The following KIAA0513 variants were observed in gnomAD, a reference collection of about 807,000 sequenced individuals.
The protein encoded by KIAA0513 is KIAA0513.
In KIAA0513, 39 loss-of-function variants were observed where a neutral mutation model predicts 56.5. The observed-to-expected ratio is 0.69, with a 90% confidence interval of 0.53 to 0.90. The LOEUF is 0.90. Ranked by LOEUF, KIAA0513 falls within the 40% of genes least tolerant of loss-of-function variation. The pLI is 0.00. For synonymous variants in KIAA0513, 268 were observed against 215.6 expected, an observed-to-expected ratio of 1.24 and a Z score of -2.13; for missense variants, 591 against 535.2, an observed-to-expected ratio of 1.10 and a Z score of -1.03.
At chr16:85,068,824 A>G (rs62049891) in intron 2 of KIAA0513, among the ~76,000 whole-genome samples, 26,571 of 152,080 alleles carry the variant, frequency 0.17, 4,800 homozygotes, top group African/African-American at 0.45. Flanking sequence ...TCCCTCCGCC[A>G]ACGCTTGTCT....
At chr16:85,028,907 C>T (rs746932700) in intron 1 of KIAA0513, among the ~76,000 whole-genome samples, 5 of 152,192 alleles carry the variant, frequency 3.3e-5, no homozygotes, top group Non-Finnish European at 7.3e-5. Flanking sequence ...CAGCCTGCGA[C>T]TCGATGTTGA....
chr16:85,081,089 C>A lies in KIAA0513; in HGVS notation c.903-226C>A, dbSNP rs959147320. ...TTATCATAGCTTTCCCTCCCACTTGCGCCATCTCTCCTAAGAGATACGCAG... is the reference window on the plus strand; with the variant it reads ...TTATCATAGCTTTCCCTCCCACTTGAGCCATCTCTCCTAAGAGATACGCAG... On this transcript the variant is annotated intron_variant, in intron 8 of 12. Transcript: ENST00000683363. This position sits in a 1 kb window ranked among gnomAD's most constrained non-coding sequence, Gnocchi z 4.4. Among the ~76,000 whole-genome samples the A allele has an allele frequency of 6.6e-6, 1 of 152,204 alleles. No homozygotes were observed. The highest frequency in any genetic ancestry group is 2.4e-5 in the African/African-American group (1 of 41,450).
chr16:85,067,972 G>C (rs1026920256), intron 2 of KIAA0513, among the ~76,000 whole-genome samples: 1 of 151,822 alleles, frequency 6.6e-6, no homozygotes, highest in Non-Finnish European at 1.5e-5. Flanking sequence ...CACCACGCTT[G>C]GCTAATTTTT....
rs2073864653 is a variant in KIAA0513 at position 85,091,265 on chromosome 16, A to T, written c.*2940A>T. ...TTGAAAACAGGACATGTTGACAGGC[A>T]GCATGGTATGTTTTTAGCCTTTGTT... On this transcript the variant is annotated 3_prime_UTR_variant, in exon 13 of 13. Coordinates refer to ENST00000683363, the MANE Select transcript of KIAA0513 (RefSeq NM_001388359.1). 6.6e-6 allele frequency: 1 copy of T among 152,270 alleles called. No homozygotes were observed. The highest frequency in any genetic ancestry group is 1.5e-5 in the Non-Finnish European group (1 of 68,052). The allele number at this position is 152,270 out of a possible 1,614,324, so 9.4% of individuals were successfully genotyped here.
At chr16:85,035,684 G>C (rs2073026137) in intron 1 of KIAA0513, among the ~76,000 whole-genome samples, 1 of 152,028 alleles carries the variant, frequency 6.6e-6, no homozygotes, top group South Asian at 2.1e-4. Flanking sequence ...ATTTCTAGTA[G>C]AAATGGGATC....
Position 85,076,138 on chromosome 16 carries a change from A to C in KIAA0513, c.574+224A>C, listed in dbSNP as rs914470951. On this transcript the variant is annotated intron_variant, in intron 5 of 12. Transcript: ENST00000683363. The surrounding 1 kb of genome is among the most constrained non-coding windows in gnomAD (Gnocchi z 4.7). Reference sequence around the variant, plus strand: ...ACGAAGGAAACTCTCCTGGGGCAGTAGGTTGACTGACCAGGGTGCAAAGGA... The same window carrying C: ...ACGAAGGAAACTCTCCTGGGGCAGTCGGTTGACTGACCAGGGTGCAAAGGA... 6.6e-6 allele frequency among the ~76,000 whole-genome samples: 1 copy of C among 151,026 alleles called. No homozygotes were observed. The highest frequency in any genetic ancestry group is 1.5e-5 in the Non-Finnish European group (1 of 68,014).
At chr16:85,049,980 C>G (rs2073226823) in intron 1 of KIAA0513, among the ~76,000 whole-genome samples, 1 of 152,214 alleles carries the variant, frequency 6.6e-6, no homozygotes, top group South Asian at 2.1e-4. Flanking sequence ...GAGTTGAATT[C>G]AGCTGTCCCG....
rs72805480 is a variant in KIAA0513, at chr16:85,076,608, G to A, written c.574+694G>A. 0.04 allele frequency among the ~76,000 whole-genome samples: 6,059 copies of A among 152,144 alleles called. 134 individuals carry two copies. Among genetic ancestry groups the A allele is most frequent in the Non-Finnish European group, 0.053 (3,617 of 67,976 alleles). On this transcript the variant is annotated intron_variant, in intron 5 of 12. Coordinates refer to ENST00000683363, the MANE Select transcript of KIAA0513 (RefSeq NM_001388359.1). This position sits in a 1 kb window ranked among gnomAD's most constrained non-coding sequence, Gnocchi z 4.7. Reference sequence around the variant, plus strand: ...CGTGCTTTCCTCTCTCGGGACCCGCGTGCTCACTCTTGGGGTGTATGTATC... The same window carrying A: ...CGTGCTTTCCTCTCTCGGGACCCGCATGCTCACTCTTGGGGTGTATGTATC...
intron 12 of KIAA0513, 64 bp downstream of exon 12, chr16:85,087,230 C>A: frequency 1.5e-6 from 2 of 1,314,714 alleles, no homozygotes; most frequent in Non-Finnish European, 2.2e-6. Flanking sequence ...CAGTGCTGTG[C>A]CCGCTGGCGC....
intron 10 of KIAA0513, among the ~76,000 whole-genome samples, chr16:85,085,374 C>G (rs1435893336): frequency 6.6e-6 from 1 of 152,200 alleles, no homozygotes; most frequent in Admixed American, 6.5e-5. Flanking sequence ...CAGGGGGTGG[C>G]GAGGAGCCAG....
intron 1 of KIAA0513, among the ~76,000 whole-genome samples, chr16:85,054,727 G>A (rs2073303859): frequency 6.6e-6 from 1 of 152,008 alleles, no homozygotes; most frequent in Non-Finnish European, 1.5e-5. Context: ...ACCACGCCCA[G>A]CCAAAATCCA....
chr16:85,046,770 C>T (rs191904237), intron 1 of KIAA0513, among the ~76,000 whole-genome samples: 5 of 152,260 alleles, frequency 3.3e-5, no homozygotes, highest in East Asian at 1.9e-4. Context: ...ATGTTTAGTT[C>T]GAAGTTTTCC....
intron 8 of KIAA0513, among the ~76,000 whole-genome samples, chr16:85,080,918 A>G (rs1465670051): frequency 6.6e-6 from 1 of 152,248 alleles, no homozygotes; most frequent in African/African-American, 2.4e-5. Flanking sequence ...ACCCTGATGT[A>G]GAAAAGCACA....
chr16:85,064,281 C>T (rs546802373), intron 1 of KIAA0513, among the ~76,000 whole-genome samples: 1 of 152,222 alleles, frequency 6.6e-6, no homozygotes, highest in East Asian at 1.9e-4. Flanking sequence ...GTTGGGATTA[C>T]GGGAGTGAGC....
At chr16:85,038,721 AAAT>A (rs1204727786) in intron 1 of KIAA0513, among the ~76,000 whole-genome samples, 35 of 135,136 alleles carry the variant, frequency 2.6e-4, no homozygotes, top group South Asian at 8.2e-4. Context: ...AAAAAAAAAA[AAAT>A]AATAATAATA....
Position 85,067,008 on chromosome 16 carries a change from G to T in KIAA0513, c.-64G>T. On this transcript the variant is annotated 5_prime_UTR_variant, in exon 2 of 13. Transcript: ENST00000683363. ...CCTACTAACGCACCTGGGACACCAG[G>T]CTGCTGGGCTCCCCTCTAGGCAGCC... The T allele has an allele frequency of 7.0e-7, 1 of 1,420,414 alleles. No homozygotes were observed. The allele number at this position is 1,420,414 out of a possible 1,614,324, so 88.0% of individuals were successfully genotyped here. A position where few individuals can be genotyped will look rare whatever the true frequency, so the allele number is the denominator to read the frequency against.
chr16:85,052,262 G>A (rs1346735780), intron 1 of KIAA0513, among the ~76,000 whole-genome samples: 2 of 152,112 alleles, frequency 1.3e-5, no homozygotes, highest in Non-Finnish European at 2.9e-5. Context: ...GGAGGTTGCA[G>A]TGAGCTGAGA....
At chr16:85,048,432 C>T (rs770238215) in intron 1 of KIAA0513, among the ~76,000 whole-genome samples, 1 of 152,232 alleles carries the variant, frequency 6.6e-6, no homozygotes, top group Non-Finnish European at 1.5e-5. Flanking sequence ...TGCAGAGCCT[C>T]ATGCTGCACG....
chr16:85,084,010 T>C (rs1413957927), intron 10 of KIAA0513, among the ~76,000 whole-genome samples: 1 of 151,676 alleles, frequency 6.6e-6, no homozygotes, highest in Admixed American at 6.6e-5. Context: ...TTCAGCTCGC[T>C]GCCCAGTGTC....
Sources: gnomAD v4.1 joint callset for allele counts (sites outside exome capture counted in the v4.1 genomes callset) on GRCh38, gnomAD v4.1.1 for gene constraint, Gnocchi (gnomAD v3.1) non-coding constraint, MANE v1.5 for transcripts, NCBI Gene and HGNC (gene_info 2026-07-23, HGNC 2026-07-21) for gene names.